The following CTNNA2 variants were observed in gnomAD, a reference collection of about 807,000 sequenced individuals.
The protein encoded by CTNNA2 is catenin alpha-2.
A neutral mutation model predicts 101.0 loss-of-function variants in CTNNA2; 42 were observed. The ratio of observed to expected loss-of-function variants is 0.42; its 90% CI spans 0.32 to 0.54. The LOEUF (loss-of-function observed/expected upper bound fraction) is 0.54, where lower values mean the gene tolerates loss of function less well. Among genes scored for constraint, CTNNA2 ranks in the 20% least tolerant of loss-of-function variants. CTNNA2 has a pLI of 0.14. For missense variants in CTNNA2, 871 were observed against 1,223.1 expected, an observed-to-expected ratio of 0.71 and a Z score of 4.29; for synonymous variants, 450 against 456.4, an observed-to-expected ratio of 0.99 and a Z score of 0.18.
rs190708376 is a variant in CTNNA2, at chr2:79,897,363, A to G, written c.853-12231A>G. Among the ~76,000 whole-genome samples, 11 of 151,908 alleles carry G rather than the reference A, an allele frequency of 7.2e-5. No individual in the cohort carries two copies. The East Asian group carries it at 2.2e-3, about 30-fold the overall frequency. ...AAAAAAAGATAAATTTAAAGTCTCG[A>G]TGAAGGAAATGGGAGATGATCATGA... On this transcript the variant is annotated intron_variant, in intron 6 of 18. Coordinates refer to ENST00000402739, the MANE Select transcript of CTNNA2 (RefSeq NM_001282597.3).
intron 3 of CTNNA2, among the ~76,000 whole-genome samples, chr2:79,807,541 A>C (rs1004862423): frequency 6.6e-6 from 1 of 152,176 alleles, no homozygotes; most frequent in Non-Finnish European, 1.5e-5. Context: ...GACTGAATGC[A>C]TTGTTAATTC....
intron 7 of CTNNA2, among the ~76,000 whole-genome samples, chr2:80,286,138 T>C (rs1674749119): frequency 6.6e-6 from 1 of 152,180 alleles, no homozygotes; most frequent in African/African-American, 2.4e-5. Flanking sequence ...GTCCCTTGAA[T>C]GCAGGCAGAA....
chr2:80,243,289 A>G (rs566802655), intron 7 of CTNNA2, among the ~76,000 whole-genome samples: 106 of 152,268 alleles, frequency 7.0e-4, no homozygotes, highest in Middle Eastern at 3.4e-3. Context: ...ATTGTTATCT[A>G]ATAAACTGCA....
At chr2:79,393,982 T>C (rs772097523) in intron 4 of CTNNA2, among the ~76,000 whole-genome samples, 25 of 151,988 alleles carry the variant, frequency 1.6e-4, no homozygotes, top group African/African-American at 3.4e-4. Context: ...TTTAGTTCAA[T>C]TGCTGACAGG....
At chr2:79,503,503 T>G (rs1161525123) in intron 4 of CTNNA2, among the ~76,000 whole-genome samples, 1 of 152,158 alleles carries the variant, frequency 6.6e-6, no homozygotes, top group African/African-American at 2.4e-5. Context: ...TTCCCTGATC[T>G]TACTACATAC....
At chr2:80,246,902 C>T (rs148706167) in intron 7 of CTNNA2, among the ~76,000 whole-genome samples, 257 of 152,266 alleles carry the variant, frequency 1.7e-3, no homozygotes, top group East Asian at 0.011. Context: ...GAATCAAGGC[C>T]TATGGTACCT....
chr2:79,999,633 T>C (rs1692797252), intron 7 of CTNNA2, among the ~76,000 whole-genome samples: 1 of 152,204 alleles, frequency 6.6e-6, no homozygotes, highest in South Asian at 2.1e-4. Context: ...CAGGGGGCAT[T>C]GTTCATCTAC....
chr2:79,728,135 T>C (rs1401638373), intron 2 of CTNNA2, among the ~76,000 whole-genome samples: 3 of 152,174 alleles, frequency 2.0e-5, no homozygotes, highest in African/African-American at 4.8e-5. Flanking sequence ...TAGTTCTAGA[T>C]CCCTGAGGAA....
At chr2:80,381,629 C>T (rs1676524231) in intron 7 of CTNNA2, among the ~76,000 whole-genome samples, 1 of 152,168 alleles carries the variant, frequency 6.6e-6, no homozygotes, top group Admixed American at 6.5e-5. Context: ...GGCTCTGGCA[C>T]TAGAGTGGAG....
rs1394627553 is a variant in CTNNA2, at chr2:80,302,632, G to C, written c.1057-90579G>C. ...TGCCGTCGTGCTGCCCCTCCCCGCC[G>C]TCCGCGAGCGTGGTGGCCGAGCTGG... On this transcript the variant is annotated intron_variant, in intron 7 of 18. Transcript: ENST00000402739. This position sits in a 1 kb window ranked among gnomAD's most constrained non-coding sequence, Gnocchi z 6.4. 12 of 1,606,634 alleles carry C rather than the reference G, an allele frequency of 7.5e-6. No homozygotes were observed. Among genetic ancestry groups the C allele is most frequent in the Non-Finnish European group, 1.0e-5 (12 of 1,178,360 alleles).
chr2:79,242,198 G>T (rs548782861), intron 2 of CTNNA2, among the ~76,000 whole-genome samples: 2 of 151,982 alleles, frequency 1.3e-5, no homozygotes, highest in East Asian at 3.9e-4. Flanking sequence ...GAGCCACCGC[G>T]CCTGGCACAT....
chr2:79,598,752 G>C (rs565348569), intron 1 of CTNNA2, among the ~76,000 whole-genome samples: 58 of 152,268 alleles, frequency 3.8e-4, no homozygotes, highest in African/African-American at 1.1e-3. Context: ...CCCAGTGTGT[G>C]TATTGTCTTC....
At chr2:79,742,718 A>G (rs2104981586) in intron 2 of CTNNA2, among the ~76,000 whole-genome samples, 1 of 152,310 alleles carries the variant, frequency 6.6e-6, no homozygotes. Flanking sequence ...CACATTTTAC[A>G]GCTAAACCAC....
chr2:79,405,653 T>C (rs1251428452), intron 4 of CTNNA2, among the ~76,000 whole-genome samples: 1 of 152,034 alleles, frequency 6.6e-6, no homozygotes, highest in Non-Finnish European at 1.5e-5. Flanking sequence ...CCATTTTTCA[T>C]TGACACAGAG....
chr2:79,792,786 G>A (rs1287825867), intron 3 of CTNNA2, among the ~76,000 whole-genome samples: 2 of 152,094 alleles, frequency 1.3e-5, no homozygotes, highest in Non-Finnish European at 2.9e-5. Context: ...TCATGACATT[G>A]TCACTTGTGA....
intron 7 of CTNNA2, among the ~76,000 whole-genome samples, chr2:79,939,841 C>T (rs533274142): frequency 6.6e-6 from 1 of 151,860 alleles, no homozygotes; most frequent in Non-Finnish European, 1.5e-5. Context: ...GCCTGTAATC[C>T]CAGCACTTTG....
At chr2:80,350,476 C>T (rs752748191) in intron 7 of CTNNA2, among the ~76,000 whole-genome samples, 2 of 152,146 alleles carry the variant, frequency 1.3e-5, no homozygotes, top group South Asian at 2.1e-4. Context: ...TCAAGTGCAA[C>T]GCAGTTGCTA....
intron 1 of CTNNA2, among the ~76,000 whole-genome samples, chr2:79,626,604 TGC>T: frequency 1.4e-5 from 2 of 139,390 alleles, no homozygotes; most frequent in African/African-American, 5.7e-5. Context: ...TATGTGTATG[TGC>T]GTGTGTGTGT....
intron 3 of CTNNA2, among the ~76,000 whole-genome samples, chr2:79,824,496 A>G (rs1401259277): frequency 9.9e-6 from 1 of 100,512 alleles, no homozygotes; most frequent in Non-Finnish European, 1.9e-5. Flanking sequence ...TTGTCTTTCC[A>G]GGAGCACTGC....
Sources: gnomAD v4.1 joint callset for allele counts (sites outside exome capture counted in the v4.1 genomes callset) on GRCh38, gnomAD v4.1.1 for gene constraint, Gnocchi (gnomAD v3.1) non-coding constraint, MANE v1.5 for transcripts, NCBI Gene and HGNC (gene_info 2026-07-23, HGNC 2026-07-21) for gene names.